Variants in PCDHB5 observed in about 807,000 individuals in gnomAD.
The protein encoded by PCDHB5 is protocadherin beta-5.
For missense variants in PCDHB5, 1,125 were observed against 1,029.4 expected, an observed-to-expected ratio of 1.09 and a Z score of -1.27; for synonymous variants, 569 against 462.2, an observed-to-expected ratio of 1.23 and a Z score of -2.96.
At position 141,136,120 on chromosome 5, in the gene PCDHB5, G is replaced by T. The variant is rs562373088; in HGVS notation, c.686G>T (p.Arg229Leu). 42 of 1,614,140 alleles carry T rather than the reference G, an allele frequency of 2.6e-5. No homozygotes were observed. In the East Asian group the frequency reaches 6.9e-4, roughly 27 times the overall value. ...CCCAGGTCCGGGACCACCACAATTC[G>T]CATTGTCGTCTTGGATAATAATGAC... ...APPRSGTTTI[R>L]IVVLDNNDNA... is the part of the protein sequence containing the mutation. Residue 229 changes from arginine to leucine, a missense_variant, in exon 1 of 1, where the codon CGC becomes CTC. By Grantham distance (102) the Arg-to-Leu change is moderately radical (BLOSUM62 -2). Transcript: ENST00000231134.
Position 141,135,701 on chromosome 5 carries a change from A to G in PCDHB5, c.267A>G (p.Lys89=). 1 of 1,614,096 alleles carries G rather than the reference A, an allele frequency of 6.2e-7. No individual in the cohort carries two copies. Among genetic ancestry groups the G allele is most frequent in the South Asian group, 1.1e-5 (1 of 91,064 alleles). The change falls in exon 1 of 1, where the codon AAA becomes AAG. Residue 89 remains lysine, a synonymous_variant. Coordinates refer to ENST00000231134, the MANE Select transcript of PCDHB5 (RefSeq NM_015669.5). ...IKTGNLLLYE[K]LDREVMCGAT... is the part of the protein sequence containing the mutation. ...CCGGCAATTTGCTTCTATATGAAAAACTAGACCGGGAGGTGATGTGCGGGG... is the reference window on the plus strand; with the variant it reads ...CCGGCAATTTGCTTCTATATGAAAAGCTAGACCGGGAGGTGATGTGCGGGG...
Position 141,136,973 on chromosome 5 carries a change from T to C in PCDHB5, c.1539T>C (p.Phe513=), listed in dbSNP as rs782624069. The C allele has an allele frequency of 6.3e-5, 102 of 1,612,448 alleles. No homozygotes were observed. The East Asian group carries it at 8.5e-4, about 13-fold the overall frequency. Residue 513 remains phenylalanine, a synonymous_variant, in exon 1 of 1, where the codon TTT becomes TTC. Coordinates refer to ENST00000231134, the MANE Select transcript of PCDHB5 (RefSeq NM_015669.5). ...VSINADNGHL[F]ALRSLDYEAL... is the part of the protein sequence containing the mutation. ...TCAACGCGGACAACGGCCACCTGTT[T>C]GCCCTCAGGTCGCTGGACTACGAGG... is the stretch of plus-strand genomic sequence containing the variant.
chr5:141,135,310 C>A lies in PCDHB5; in HGVS notation c.-125C>A, dbSNP rs533863344. 2 of 694,456 alleles carry A rather than the reference C, an allele frequency of 2.9e-6. No individual in the cohort carries two copies. The highest frequency in any genetic ancestry group is 3.9e-5 in the South Asian group (2 of 51,338). 43.0% of individuals were successfully genotyped at this position (694,456 alleles called of 1,614,324 possible). A position where few individuals can be genotyped will look rare whatever the true frequency, so the allele number is the denominator to read the frequency against. On this transcript the variant is annotated 5_prime_UTR_variant, in exon 1 of 1. Transcript: ENST00000231134. ...TTTAGGTAAGATCTAGTGGCTAGAT[C>A]TTCAGGGTGGGCTTCGTTCTTGTGG...
At position 141,137,123 on chromosome 5, in the gene PCDHB5, G is replaced by T; in HGVS notation, c.1689G>T (p.Pro563=). 1 of 1,611,508 alleles carries T rather than the reference G, an allele frequency of 6.2e-7. No homozygotes were observed. Among genetic ancestry groups the T allele is most frequent in the African/African-American group, 1.3e-5 (1 of 74,980 alleles). The change falls in exon 1 of 1, where the codon CCG becomes CCT. Residue 563 remains proline, a synonymous_variant. Transcript: ENST00000231134. ...ANDNSPFVLY[P]LQNGSAPCTE... The stretch of plus-strand genomic sequence containing the variant: ...ACAACTCGCCCTTCGTGCTGTATCC[G>T]CTGCAGAACGGCTCGGCGCCTTGCA...
chr5:141,137,598 G>T lies in PCDHB5; in HGVS notation c.2164G>T (p.Gly722Cys). ...LCRRSRAAPV[G>C]RCSVPEGPFP... ...CAGGAGGAGCAGGGCGGCCCCGGTC[G>T]GTCGCTGCTCGGTGCCCGAGGGCCC... Residue 722 changes from glycine (G) to cysteine (C), a missense_variant, in exon 1 of 1, where the codon GGT (glycine) becomes TGT (cysteine). Transcript: ENST00000231134. 1.9e-6 allele frequency: 3 copies of T among 1,613,234 alleles called. No individual in the cohort carries two copies. The highest frequency in any genetic ancestry group is 2.5e-6 in the Non-Finnish European group (3 of 1,180,018).
chr5:141,136,172 C>CACA lies in PCDHB5; in HGVS notation c.738_739insACA (p.Phe246_Tyr247insThr). On this transcript the variant is annotated inframe_insertion, in exon 1 of 1. Coordinates refer to ENST00000231134, the MANE Select transcript of PCDHB5 (RefSeq NM_015669.5). ...ACGCCCCCGAATTTTTACAATCATT[C>CACA]TATGAGGTACAGGTGCCCGAGAACA... 6.2e-7 allele frequency: 1 copy of CACA among 1,614,082 alleles called. No individual in the cohort carries two copies. Among genetic ancestry groups the CACA allele is most frequent in the African/African-American group, 1.3e-5 (1 of 75,012 alleles).
chr5:141,138,427 C>G lies in PCDHB5; in HGVS notation c.*605C>G, dbSNP rs1385361009. The stretch of plus-strand genomic sequence containing the variant: ...TTATGTTCAACTCAATATATATTCA[C>G]AAAGTAACATATTTATTACCAGCAG... On this transcript the variant is annotated 3_prime_UTR_variant, in exon 1 of 1. Coordinates refer to ENST00000231134, the MANE Select transcript of PCDHB5 (RefSeq NM_015669.5). 1 of 152,128 alleles carries G rather than the reference C, an allele frequency of 6.6e-6. No individual in the cohort carries two copies. Among genetic ancestry groups the G allele is most frequent in the Non-Finnish European group, 1.5e-5 (1 of 68,010 alleles). The allele number at this position is 152,128 out of a possible 1,614,324, so 9.4% of individuals were successfully genotyped here. A position where few individuals can be genotyped will look rare whatever the true frequency, so the allele number is the denominator to read the frequency against.
In PCDHB5 at chr5:141,136,273, C is replaced by T; in HGVS notation, c.839C>T (p.Ala280Val). ...GGAGCATATGGGAGTGTAGCCTATGCTCTATTCCAAGGCGATGAAGTTACT... is the reference window on the plus strand; with the variant it reads ...GGAGCATATGGGAGTGTAGCCTATGTTCTATTCCAAGGCGATGAAGTTACT... ...DAGAYGSVAY[A>V]LFQGDEVTQP... is the part of the protein sequence containing the mutation. The change falls in exon 1 of 1, where the codon GCT becomes GTT. Residue 280 changes from alanine (A) to valine (V), a missense_variant. Coordinates refer to ENST00000231134, the MANE Select transcript of PCDHB5 (RefSeq NM_015669.5). 1 of 1,614,148 alleles carries T rather than the reference C, an allele frequency of 6.2e-7. No individual in the cohort carries two copies. Among genetic ancestry groups the T allele is most frequent in the Non-Finnish European group, 8.5e-7 (1 of 1,180,000 alleles).
At position 141,137,210 on chromosome 5, in the gene PCDHB5, C is replaced by G; in HGVS notation, c.1776C>G (p.Asp592Glu). Residue 592 changes from aspartate (D) to glutamate (E), a missense_variant, in exon 1 of 1, where the codon GAC becomes GAG. Physicochemically the swap from Asp to Glu is conservative, Grantham distance 45 (BLOSUM62 2). Transcript: ENST00000231134. ...GYLVTKVVAV[D>E]GDSGQNAWLS... ...TGGTGACCAAGGTGGTGGCGGTGGA[C>G]GGTGACTCGGGCCAGAACGCCTGGC... 6.2e-7 allele frequency: 1 copy of G among 1,611,026 alleles called. No homozygotes were observed.
Position 141,136,907 on chromosome 5 carries a change from G to C in PCDHB5, c.1473G>C (p.Pro491=). Residue 491 remains proline (P), a synonymous_variant, in exon 1 of 1, where the codon CCG becomes CCC. Transcript: ENST00000231134. ...CCCAGGTCACCTACTCGCTGCTGCC[G>C]CCCCAGAACCCACACCTGCGCCTCG... is the stretch of plus-strand genomic sequence containing the variant. ...TNAQVTYSLL[P]PQNPHLRLAS... 6.2e-7 allele frequency: 1 copy of C among 1,612,598 alleles called. No homozygotes were observed. The highest frequency in any genetic ancestry group is 8.5e-7 in the Non-Finnish European group (1 of 1,180,010).
Position 141,136,148 on chromosome 5 carries a change from C to T in PCDHB5, c.714C>T (p.Asn238=), listed in dbSNP as rs1320435155. The T allele has an allele frequency of 1.2e-6, 2 of 1,614,104 alleles. No homozygotes were observed. The highest frequency in any genetic ancestry group is 1.1e-5 in the South Asian group (1 of 91,070). The part of the protein sequence containing the change: ...IRIVVLDNND[N]APEFLQSFYE... ...TTGTCGTCTTGGATAATAATGACAA[C>T]GCCCCCGAATTTTTACAATCATTCT... The change falls in exon 1 of 1, where the codon AAC becomes AAT. Residue 238 remains asparagine, a synonymous_variant. Coordinates refer to ENST00000231134, the MANE Select transcript of PCDHB5 (RefSeq NM_015669.5).
In PCDHB5 at chr5:141,137,298, G is replaced by T. The variant is rs1487998791; in HGVS notation, c.1864G>T (p.Glu622Ter). 6.2e-7 allele frequency: 1 copy of T among 1,610,246 alleles called. No homozygotes were observed. The highest frequency in any genetic ancestry group is 1.3e-5 in the African/African-American group (1 of 74,860). ...GLFSMWAHNG[E>*]VRTARLLSER... ...GTTCAGCATGTGGGCGCACAATGGC[G>T]AGGTGCGCACCGCCAGGCTGCTGAG... The change falls in exon 1 of 1, where the codon GAG becomes TAG. Residue 622 changes from glutamate to a stop codon, truncating the protein, a stop_gained. Coordinates refer to ENST00000231134, the MANE Select transcript of PCDHB5 (RefSeq NM_015669.5). LOFTEE classifies it low-confidence loss of function (END_TRUNC).
chr5:141,136,790 A>G lies in PCDHB5; in HGVS notation c.1356A>G (p.Gln452=). ...ATGACAACGCCCCCGCCTTCACCCA[A>G]ACCTCCTACACCCTGTTCGTCCGAG... ...DVNDNAPAFT[Q]TSYTLFVREN... Residue 452 remains glutamine (Q), a synonymous_variant, in exon 1 of 1, where the codon CAA becomes CAG. Coordinates refer to ENST00000231134, the MANE Select transcript of PCDHB5 (RefSeq NM_015669.5). The G allele has an allele frequency of 2.5e-6, 4 of 1,613,624 alleles. No individual in the cohort carries two copies. Among genetic ancestry groups the G allele is most frequent in the Non-Finnish European group, 3.4e-6 (4 of 1,179,928 alleles).
rs781801829 is a variant in PCDHB5, at chr5:141,136,744, C to T, written c.1310C>T (p.Thr437Met). The T allele has an allele frequency of 7.4e-6, 12 of 1,614,158 alleles. No homozygotes were observed. Among genetic ancestry groups the T allele is most frequent in the Admixed American group, 1.7e-5 (1 of 60,018 alleles). ...AGGCTGAAAACCGAGCACAACATAA[C>T]GGTCCTGGTCTCCGACGTCAATGAC... is the stretch of plus-strand genomic sequence containing the variant. ...TPRLKTEHNI[T>M]VLVSDVNDNA... The change falls in exon 1 of 1, where the codon ACG becomes ATG. Residue 437 changes from threonine to methionine, a missense_variant. Physicochemically the swap from Thr to Met is moderately conservative, Grantham distance 81. Coordinates refer to ENST00000231134, the MANE Select transcript of PCDHB5 (RefSeq NM_015669.5).
In PCDHB5 at chr5:141,135,243, G is replaced by T. The variant is rs1752540433; in HGVS notation, c.-192G>T. 1 of 548,004 alleles carries T rather than the reference G, an allele frequency of 1.8e-6. No homozygotes were observed. Among genetic ancestry groups the T allele is most frequent in the East Asian group, 3.0e-5 (1 of 33,708 alleles). The allele number at this position is 548,004 out of a possible 1,614,324, so 33.9% of individuals were successfully genotyped here. ...AGTGGGCTCTGCGGATAACTCAGACGCCATTAAGCTGGGGAATCCAAACTC... is the reference window on the plus strand; with the variant it reads ...AGTGGGCTCTGCGGATAACTCAGACTCCATTAAGCTGGGGAATCCAAACTC... On this transcript the variant is annotated 5_prime_UTR_variant, in exon 1 of 1. Transcript: ENST00000231134.
At position 141,136,697 on chromosome 5, in the gene PCDHB5, T is replaced by C. The variant is rs1158206307; in HGVS notation, c.1263T>C (p.Thr421=). The C allele has an allele frequency of 1.9e-6, 3 of 1,613,960 alleles. No individual in the cohort carries two copies. Among genetic ancestry groups the C allele is most frequent in the Non-Finnish European group, 2.5e-6 (3 of 1,180,014 alleles). The change falls in exon 1 of 1, where the codon ACT becomes ACC. Residue 421 remains threonine (T), a synonymous_variant. Transcript: ENST00000231134. ...AAGCCGAGTACAACATCACCATCAC[T>C]GTCACCGACATGGGGACACCCAGGC... is the stretch of plus-strand genomic sequence containing the variant. ...ESQAEYNITI[T]VTDMGTPRLK...
In PCDHB5 at chr5:141,137,594, G is replaced by T; in HGVS notation, c.2160G>T (p.Pro720=). ...TGTGCAGGAGGAGCAGGGCGGCCCC[G>T]GTCGGTCGCTGCTCGGTGCCCGAGG... The part of the protein sequence containing the change: ...VRLCRRSRAA[P]VGRCSVPEGP... Residue 720 remains proline, a synonymous_variant, in exon 1 of 1, where the codon CCG becomes CCT. Coordinates refer to ENST00000231134, the MANE Select transcript of PCDHB5 (RefSeq NM_015669.5). 2.5e-6 allele frequency: 4 copies of T among 1,613,124 alleles called. No homozygotes were observed. The highest frequency in any genetic ancestry group is 3.4e-6 in the Non-Finnish European group (4 of 1,179,986).
Position 141,137,089 on chromosome 5 carries a change from A to C in PCDHB5, c.1655A>C (p.Asp552Ala), listed in dbSNP as rs1554276110. ...SEALVRVLVL[D>A]ANDNSPFVLY... ...GCGCTGGTGCGCGTGCTGGTGCTGG[A>C]CGCCAACGACAACTCGCCCTTCGTG... The change falls in exon 1 of 1, where the codon GAC (aspartate) becomes GCC (alanine). Residue 552 changes from aspartate (D) to alanine (A), a missense_variant. Transcript: ENST00000231134. The C allele has an allele frequency of 9.3e-6, 15 of 1,611,456 alleles. No individual in the cohort carries two copies. The highest frequency in any genetic ancestry group is 1.3e-5 in the Non-Finnish European group (15 of 1,179,658).
Position 141,137,330 on chromosome 5 carries a change from C to A in PCDHB5, c.1896C>A (p.Arg632=), listed in dbSNP as rs551194665. 246 of 1,609,918 alleles carry A rather than the reference C, an allele frequency of 1.5e-4. No individual in the cohort carries two copies. The highest frequency in any genetic ancestry group is 2.0e-4 in the Non-Finnish European group (232 of 1,179,570). The change falls in exon 1 of 1, where the codon CGC becomes CGA. Residue 632 remains arginine, a synonymous_variant. Transcript: ENST00000231134. ...EVRTARLLSE[R]DAAKHRLVVL... ...GCACCGCCAGGCTGCTGAGCGAGCGCGACGCGGCCAAGCACAGGCTGGTGG... is the reference window on the plus strand; with the variant it reads ...GCACCGCCAGGCTGCTGAGCGAGCGAGACGCGGCCAAGCACAGGCTGGTGG...
Sources: allele counts gnomAD v4.1 joint callset, GRCh38; gene constraint gnomAD v4.1.1; transcripts MANE v1.5; gene names NCBI Gene and HGNC (gene_info 2026-07-23, HGNC 2026-07-21).